CEP295: variants seen among roughly 807,000 people sequenced by gnomAD.
CEP295 encodes centrosomal protein of 295 kDa.
In CEP295, 190 loss-of-function variants were observed where a neutral mutation model predicts 291.6. The ratio of observed to expected loss-of-function variants is 0.65; its 90% CI spans 0.58 to 0.73. The LOEUF (loss-of-function observed/expected upper bound fraction) is 0.73. Ranked by LOEUF, CEP295 falls within the 30% of genes least tolerant of loss-of-function variation. The probability of loss-of-function intolerance (pLI) is 0.00; values close to 1 mark genes in which losing one functional copy is unlikely to be tolerated. For missense variants in CEP295, 2,863 were observed against 2,949.4 expected (o/e 0.97, Z 0.68); for synonymous variants, 993 against 1,038.8 (o/e 0.96, Z 0.85).
intron 18 of CEP295, among the ~76,000 whole-genome samples, chr11:93,716,955 C>G (rs919226865): frequency 7.9e-5 from 12 of 152,284 alleles, no homozygotes; most frequent in Non-Finnish European, 1.6e-4. Context: ...GAACAGGAAT[C>G]TATAAAATCT....
chr11:93,707,135 A>G (rs7109236), intron 18 of CEP295, among the ~76,000 whole-genome samples: 18,078 of 152,186 alleles, frequency 0.12, 1,196 homozygotes, highest in East Asian at 0.25. Flanking sequence ...GTTTTATACA[A>G]TTGGCAGCAT....
At position 93,706,733 on chromosome 11, in the gene CEP295, T is replaced by A. The variant is rs1274800638; in HGVS notation, c.5597-12T>A. 8 of 1,504,118 alleles carry A rather than the reference T, an allele frequency of 5.3e-6. No individual in the cohort carries two copies. Among genetic ancestry groups the A allele is most frequent in the Non-Finnish European group, 7.1e-6 (8 of 1,125,396 alleles). 93.2% of individuals were successfully genotyped at this position (1,504,118 alleles called of 1,614,324 possible). On this transcript the variant is annotated splice_polypyrimidine_tract_variant and intron_variant, in intron 17 of 29. Coordinates refer to ENST00000325212, the MANE Select transcript of CEP295 (RefSeq NM_033395.2). ...TCCAGAAATTGAAGTGGAAATATTT[T>A]TTCCCCCCCAGGTAAACCAGGTATT...
intron 10 of CEP295, among the ~76,000 whole-genome samples, chr11:93,689,446 C>T (rs921170031): frequency 5.3e-5 from 8 of 152,172 alleles, no homozygotes; most frequent in Non-Finnish European, 1.0e-4. Context: ...ACATAGGACT[C>T]GTGGTCTTAG....
intron 13 of CEP295, 85 bp downstream of exon 13, chr11:93,695,719 T>G: frequency 7.0e-7 from 1 of 1,420,924 alleles, no homozygotes; most frequent in Non-Finnish European, 9.1e-7. Context: ...TTTAGAAAAG[T>G]AAAATGGATG....
chr11:93,687,943 AG>A (rs1951326233), intron 10 of CEP295, 78 bp downstream of exon 10: 1 of 995,034 alleles, frequency 1.0e-6, no homozygotes, highest in Non-Finnish European at 1.5e-6. Context: ...GAAAAATCAA[AG>A]AATAGAGGTT....
At chr11:93,668,294 T>C (rs767431073) in intron 3 of CEP295, among the ~76,000 whole-genome samples, 7 of 152,172 alleles carry the variant, frequency 4.6e-5, no homozygotes, top group Non-Finnish European at 1.0e-4. Context: ...ACAAAGAAGG[T>C]AAATCTTTGA....
intron 18 of CEP295, among the ~76,000 whole-genome samples, chr11:93,708,189 T>G (rs1952645064): frequency 2.0e-5 from 3 of 152,318 alleles, no homozygotes; most frequent in Non-Finnish European, 4.4e-5. Flanking sequence ...AATTCAATTA[T>G]AGTTTTAGTT....
Position 93,696,716 on chromosome 11 carries a change from C to G in CEP295, c.1804C>G (p.Gln602Glu), listed in dbSNP as rs139573410. The G allele has an allele frequency of 2.7e-4, 414 of 1,550,486 alleles. 4 individuals carry two copies. In the East Asian group the frequency reaches 7.0e-3, roughly 26 times the overall value. ...HRQSVETARKQLLEYQTMLKG... is the reference protein window; with the variant it reads ...HRQSVETARKELLEYQTMLKG... ...GCAGTCTGTTGAAACAGCCAGGAAACAATTACTTGAATATCAAACTATGTT... is the reference window on the plus strand; with the variant it reads ...GCAGTCTGTTGAAACAGCCAGGAAAGAATTACTTGAATATCAAACTATGTT... Residue 602 changes from glutamine to glutamate, a missense_variant, in exon 15 of 30, where the codon CAA becomes GAA. Gln to Glu is a conservative substitution (Grantham distance 29, BLOSUM62 2). This residue lies in a region of CEP295 where 2,295 missense variants were observed against 2,335.7 expected (regional missense o/e 0.98). Transcript: ENST00000325212.
In CEP295 at chr11:93,702,460, ATAAG is replaced by A; in HGVS notation, c.5280_5283del (p.Lys1761ProfsTer7). The A allele has an allele frequency of 2.0e-6, 3 of 1,518,362 alleles. No homozygotes were observed. Among genetic ancestry groups the A allele is most frequent in the Non-Finnish European group, 2.6e-6 (3 of 1,134,270 alleles). The allele number at this position is 1,518,362 out of a possible 1,614,324, so 94.1% of individuals were successfully genotyped here. ...CCCACCCTCATCTCCACTTTTTCAGATAAGTAAGCCCACAGTTGAAAATGATTTA... is the reference window on the plus strand; with the variant it reads ...CCCACCCTCATCTCCACTTTTTCAGATAAGCCCACAGTTGAAAATGATTTA... On this transcript the variant is annotated frameshift_variant and splice_region_variant, in exon 16 of 30. Coordinates refer to ENST00000325212, the MANE Select transcript of CEP295 (RefSeq NM_033395.2). LOFTEE classifies it high-confidence loss of function.
rs148567145 is a variant in CEP295 at position 93,667,137 on chromosome 11, T to C, written c.108+322T>C. On this transcript the variant is annotated intron_variant, in intron 2 of 29. Transcript: ENST00000325212. ...GCTAATTGGAAAGATTATTAGCTGCTGAAACAAATTTATCAGGAAATTGCA... is the reference window on the plus strand; with the variant it reads ...GCTAATTGGAAAGATTATTAGCTGCCGAAACAAATTTATCAGGAAATTGCA... Among the ~76,000 whole-genome samples, 226 of 152,370 alleles carry C rather than the reference T, an allele frequency of 1.5e-3. 1 individual carries two copies. Among genetic ancestry groups the C allele is most frequent in the African/African-American group, 5.1e-3 (214 of 41,582 alleles).
At chr11:93,704,919 G>A (rs1174368378) in intron 17 of CEP295, among the ~76,000 whole-genome samples, 2 of 152,086 alleles carry the variant, frequency 1.3e-5, no homozygotes, top group Non-Finnish European at 2.9e-5. Flanking sequence ...TTCCATAGTT[G>A]CAGTGGGTTT....
In CEP295 at chr11:93,697,394, C is replaced by G; in HGVS notation, c.2482C>G (p.Gln828Glu). ...TTCCACAAGCCATTCTATAATCAGC[C>G]AAATGCATGATAGGCCTTTGCTGCC... ...TVSTSHSIIS[Q>E]MHDRPLLPSE... Residue 828 changes from glutamine (Q) to glutamate (E), a missense_variant, in exon 15 of 30, where the codon CAA (glutamine) becomes GAA (glutamate). This residue lies in a region of CEP295 where 2,295 missense variants were observed against 2,335.7 expected (regional missense o/e 0.98). Coordinates refer to ENST00000325212, the MANE Select transcript of CEP295 (RefSeq NM_033395.2). 1.3e-6 allele frequency: 2 copies of G among 1,552,108 alleles called. No homozygotes were observed. Among genetic ancestry groups the G allele is most frequent in the Non-Finnish European group, 1.7e-6 (2 of 1,147,076 alleles).
At chr11:93,724,565 G>A (rs771223221) in intron 22 of CEP295, among the ~76,000 whole-genome samples, 190 bp downstream of exon 22, 5 of 152,180 alleles carry the variant, frequency 3.3e-5, no homozygotes, top group African/African-American at 4.8e-5. Flanking sequence ...CCAAGAGTTC[G>A]AGACCAGCCT....
chr11:93,726,131 TTTTTA>T (rs1954118847), intron 23 of CEP295, among the ~76,000 whole-genome samples: 1 of 152,148 alleles, frequency 6.6e-6, no homozygotes, highest in Non-Finnish European at 1.5e-5. Flanking sequence ...TTTGTTTTTG[TTTTTA>T]TTTTGTTTTT....
At chr11:93,691,026 A>G (rs1368145559) in intron 10 of CEP295, among the ~76,000 whole-genome samples, 2 of 152,168 alleles carry the variant, frequency 1.3e-5, no homozygotes, top group African/African-American at 2.4e-5. Flanking sequence ...CAGATTTATT[A>G]TACTCTATTG....
chr11:93,712,584 T>C (rs1206102885), intron 18 of CEP295, among the ~76,000 whole-genome samples: 2 of 152,218 alleles, frequency 1.3e-5, no homozygotes, highest in African/African-American at 4.8e-5. Flanking sequence ...TAAGTATAGC[T>C]ACTCTTGCTG....
chr11:93,702,605 T>G lies in CEP295; in HGVS notation c.5420T>G (p.Leu1807Trp). The change falls in exon 16 of 30, where the codon TTG (leucine) becomes TGG (tryptophan). Residue 1807 changes from leucine to tryptophan, a missense_variant. By Grantham distance (61) the Leu-to-Trp change is moderately conservative. Transcript: ENST00000325212. ...AGGAACAACTCTGATGATAATCATT[T>G]GGCTTCAGAAGATACTAGTGCCAAG... Reference protein sequence around the residue: ...ADRNNSDDNHLASEDTSAKQS... With the variant: ...ADRNNSDDNHWASEDTSAKQS... The G allele has an allele frequency of 6.5e-7, 1 of 1,548,102 alleles. No individual in the cohort carries two copies. The highest frequency in any genetic ancestry group is 2.4e-5 in the East Asian group (1 of 40,902).
chr11:93,684,179 T>A (rs1312816363), intron 9 of CEP295, 51 bp downstream of exon 9: 1 of 1,460,554 alleles, frequency 6.8e-7, no homozygotes, highest in Non-Finnish European at 9.3e-7. Context: ...AAAAAAAAAA[T>A]GCTAACCATT....
Position 93,727,527 on chromosome 11 carries a change from T to G in CEP295, c.7051T>G (p.Ser2351Ala). The change falls in exon 24 of 30, where the codon TCA becomes GCA. Residue 2351 changes from serine to alanine, a missense_variant. This residue lies in a region of CEP295 where 2,295 missense variants were observed against 2,335.7 expected (regional missense o/e 0.98). Transcript: ENST00000325212. The part of the protein sequence containing the change: ...TTQNEKYFEN[S>A]AETDIPKITK... ...TCAAAATGAAAAATATTTTGAGAAT[T>G]CAGCTGAAACAGACATTCCAAAAAT... 1 of 1,551,658 alleles carries G rather than the reference T, an allele frequency of 6.4e-7. No individual in the cohort carries two copies. The highest frequency in any genetic ancestry group is 1.4e-5 in the African/African-American group (1 of 73,156).
Sources: gnomAD v4.1 joint callset for allele counts (sites outside exome capture counted in the v4.1 genomes callset) on GRCh38, gnomAD v4.1.1 for gene constraint, gnomAD v4.1.1 regional missense constraint, MANE v1.5 for transcripts, NCBI Gene and HGNC (gene_info 2026-07-23, HGNC 2026-07-21) for gene names.